Variants in KRT8 observed in about 807,000 individuals in gnomAD.
KRT8 encodes keratin, type II cytoskeletal 8.
Under a neutral mutation model 43.0 loss-of-function variants are expected in KRT8, and 24 were observed. That is an observed-to-expected ratio of 0.56 (90% CI 0.40 to 0.78). KRT8 has a LOEUF of 0.78. KRT8 is among the 30% of genes least tolerant of loss of function. The pLI, the probability that KRT8 is intolerant of heterozygous loss-of-function variation, is 0.00. For synonymous variants in KRT8, 214 were observed against 261.2 expected, an observed-to-expected ratio of 0.82 and a Z score of 1.74; for missense variants, 492 against 638.4, an observed-to-expected ratio of 0.77 and a Z score of 2.47.
chr12:52,901,533 G>A, intron 2 of KRT8: 1 of 553,192 alleles, frequency 1.8e-6, no homozygotes, highest in Non-Finnish European at 3.2e-6. Context: ...CAAGGGTCAA[G>A]ACTAAAGAGG....
chr12:52,900,766 C>G (rs1941349051), intron 3 of KRT8, 83 bp from the exon 4 acceptor site: 1 of 920,232 alleles, frequency 1.1e-6, no homozygotes, highest in African/African-American at 1.6e-5. Context: ...ACCCAATGGC[C>G]TGGTCACAGG....
chr12:52,936,160 G>A (rs780537477), intron 2 of KRT8, among the ~76,000 whole-genome samples: 2 of 152,140 alleles, frequency 1.3e-5, no homozygotes, highest in African/African-American at 2.4e-5. Flanking sequence ...GCCGAGGCAG[G>A]AGAATGGCTT....
chr12:52,918,200 A>AAGAAGAAGAAGAAGG (rs1565725675), intron 2 of KRT8, among the ~76,000 whole-genome samples: 20 of 121,240 alleles, frequency 1.6e-4, no homozygotes, highest in East Asian at 5.2e-4. Context: ...GAAGAAGAAG[A>AAGAAGAAGAAGAAGG]AGAACAAGAA....
At chr12:52,930,758 G>T (rs1037386349) in intron 2 of KRT8, among the ~76,000 whole-genome samples, 9 of 148,850 alleles carry the variant, frequency 6.0e-5, no homozygotes, top group Non-Finnish European at 1.2e-4. Flanking sequence ...ACAGGGTCTT[G>T]CTCTGTTGCC....
In KRT8 at chr12:52,937,687, C is replaced by CA. The variant is rs1200365036; in HGVS notation, c.-47+11768dup. On this transcript the variant is annotated intron_variant, in intron 2 of 6. Transcript: ENST00000546826. The stretch of plus-strand genomic sequence containing the variant: ...TGGGTGAGGGAGTGAAACTCTGTCT[C>CA]AAAAAAAAAAAAAAAGAAGAAGAAA... 7.1e-3 allele frequency among the ~76,000 whole-genome samples: 639 copies of CA among 90,022 alleles called. 4 individuals are homozygous for CA. The highest frequency in any genetic ancestry group is 9.5e-3 in the African/African-American group (224 of 23,544). 59.1% of individuals were successfully genotyped at this position (90,022 alleles called of 152,430 possible). A position where few individuals can be genotyped will look rare whatever the true frequency, so the allele number is the denominator to read the frequency against.
At chr12:52,900,054 C>T (rs1458665483) in exon 5 of KRT8, 2 of 1,612,510 alleles carry the variant, frequency 1.2e-6, no homozygotes, top group Non-Finnish European at 1.7e-6. Flanking sequence ...GGGACTGCAG[C>T]TCCCGGATCT....
intron 2 of KRT8, among the ~76,000 whole-genome samples, chr12:52,929,612 T>TA (rs1161031501): frequency 6.6e-6 from 1 of 152,184 alleles, no homozygotes; most frequent in Non-Finnish European, 1.5e-5. Context: ...ATTCACCACT[T>TA]ACACCTGTAA....
At chr12:52,935,785 G>A (rs576049976) in intron 2 of KRT8, among the ~76,000 whole-genome samples, 5 of 151,588 alleles carry the variant, frequency 3.3e-5, no homozygotes, top group East Asian at 3.9e-4. Flanking sequence ...TGGAATTAAC[G>A]GTGTGAACCA....
intron 1 of KRT8, among the ~76,000 whole-genome samples, chr12:52,903,146 T>TA (rs1162853622): frequency 2.6e-5 from 4 of 152,014 alleles, no homozygotes; most frequent in Non-Finnish European, 5.9e-5. Flanking sequence ...AATTATTTTT[T>TA]AAAAAAAAGT....
chr12:52,898,753 C>T lies in KRT8; in HGVS notation c.1128G>A (p.Glu376=), dbSNP rs61616174. The T allele has an allele frequency of 2.1e-4, 336 of 1,614,260 alleles. No individual in the cohort carries two copies. In the African/African-American group the frequency reaches 3.8e-3, roughly 18 times the overall value. ...CCAGGGCCAGCTTGACGTTCATCAG[C>T]TCCTGGTACTCACGCAGCTGCCGCG... The change falls in exon 6 of 8, where the codon GAG becomes GAA. Residue 376 remains glutamate (E), a synonymous_variant. Transcript: ENST00000692008.
Position 52,905,022 on chromosome 12 carries a change from G to A in KRT8, c.-41C>T, listed in dbSNP as rs565181989. The stretch of plus-strand genomic sequence containing the variant: ...GGAGGCAGGCGGGCCGAACCAGGCG[G>A]AGATCCTAGAAGGAGCGGAGAAGCT... On this transcript the variant is annotated 5_prime_UTR_variant, in exon 1 of 8. Transcript: ENST00000692008. 7 of 1,581,164 alleles carry A rather than the reference G, an allele frequency of 4.4e-6. No individual in the cohort carries two copies. The Admixed American group carries it at 7.1e-5, about 16-fold the overall frequency.
rs776169423 is a variant in KRT8, at chr12:52,935,525, T to C, written c.-47+13931A>G. On this transcript the variant is annotated intron_variant, in intron 2 of 6. Coordinates refer to the KRT8 transcript ENST00000546826. ...GGCTAACACAGTGAAATCCTGTCTC[T>C]ACTTAAAAAAAAAAAAAAAGGAAAA... Among the ~76,000 whole-genome samples, 3 of 122,034 alleles carry C rather than the reference T, an allele frequency of 2.5e-5. No individual in the cohort carries two copies. The Admixed American group carries it at 2.5e-4, about 10-fold the overall frequency. The allele number at this position is 122,034 out of a possible 152,430, so 80.1% of individuals were successfully genotyped here. A position where few individuals can be genotyped will look rare whatever the true frequency, so the allele number is the denominator to read the frequency against.
chr12:52,905,104 C>T (rs1031344947), upstream of KRT8: 6 of 1,455,796 alleles, frequency 4.1e-6, no homozygotes, highest in Middle Eastern at 2.4e-4. Flanking sequence ...ATCCCAGCCC[C>T]GGGGGATGGG....
intron 7 of KRT8, among the ~76,000 whole-genome samples, chr12:52,898,172 T>C (rs554843200): frequency 6.6e-6 from 1 of 152,200 alleles, no homozygotes; most frequent in East Asian, 1.9e-4. Context: ...CTCAAAAAAA[T>C]TAAATTAAAT....
At chr12:52,902,773 T>A (rs890553660) in intron 1 of KRT8, among the ~76,000 whole-genome samples, 4 of 151,556 alleles carry the variant, frequency 2.6e-5, no homozygotes, top group African/African-American at 9.7e-5. Context: ...GCACTTTGGG[T>A]GGCCAAGGCA....
upstream of KRT8, among the ~76,000 whole-genome samples, chr12:52,907,489 C>T (rs1323099482): frequency 6.6e-6 from 1 of 152,182 alleles, no homozygotes; most frequent in Non-Finnish European, 1.5e-5. Flanking sequence ...AAACAGCACC[C>T]CAAAGCCTTT....
At chr12:52,922,588 G>A (rs1428327990) in intron 2 of KRT8, among the ~76,000 whole-genome samples, 1 of 152,148 alleles carries the variant, frequency 6.6e-6, no homozygotes, top group African/African-American at 2.4e-5. Context: ...CAGGAGAATC[G>A]CTTGAACCCA....
At chr12:52,898,089 C>T (rs1941260004) in intron 7 of KRT8, among the ~76,000 whole-genome samples, 1 of 152,168 alleles carries the variant, frequency 6.6e-6, no homozygotes. Context: ...CTCTTGAACC[C>T]AGGAGGTGGA....
chr12:52,935,776 G>A (rs183956735), intron 2 of KRT8, among the ~76,000 whole-genome samples: 75 of 151,414 alleles, frequency 5.0e-4, no homozygotes, highest in Admixed American at 4.6e-4. Context: ...CCCAACAGCT[G>A]GAATTAACGG....
Sources: allele counts gnomAD v4.1 joint callset (sites outside exome capture counted in the v4.1 genomes callset), GRCh38; gene constraint gnomAD v4.1.1; transcripts MANE v1.5; gene names NCBI Gene and HGNC (gene_info 2026-07-23, HGNC 2026-07-21).